BCAS4: variants seen among roughly 807,000 people sequenced by gnomAD.
BCAS4 encodes the protein breast carcinoma amplified sequence 4, also known as breast carcinoma-amplified sequence 4.
A neutral mutation model predicts 15.7 loss-of-function variants in BCAS4; 9 were observed. The ratio of observed to expected loss-of-function variants is 0.57; its 90% CI spans 0.34 to 1.00. BCAS4 has a LOEUF of 1.00. Ranked by LOEUF, BCAS4 falls within the 50% of genes least tolerant of loss-of-function variation. The pLI, the probability that BCAS4 is intolerant of heterozygous loss-of-function variation, is 0.02. For missense variants in BCAS4, 225 were observed against 239.1 expected (o/e 0.94, Z 0.39); for synonymous variants, 101 against 99.5 (o/e 1.02, Z -0.09).
intron 2 of BCAS4, among the ~76,000 whole-genome samples, chr20:50,819,775 T>C (rs1269888826): frequency 6.6e-6 from 1 of 152,088 alleles, no homozygotes; most frequent in Admixed American, 6.6e-5. Context: ...TCTTTCTTTC[T>C]CTTTCTGTCT....
At chr20:50,856,165 G>A (rs1004847910) in intron 4 of BCAS4, among the ~76,000 whole-genome samples, 3 of 152,236 alleles carry the variant, frequency 2.0e-5, no homozygotes, top group Admixed American at 6.5e-5. Flanking sequence ...GTGCAGAGGT[G>A]AGTCGTTTGT....
At chr20:50,873,767 C>A (rs1979775350) in intron 4 of BCAS4, among the ~76,000 whole-genome samples, 1 of 152,116 alleles carries the variant, frequency 6.6e-6, no homozygotes, top group Admixed American at 6.5e-5. Context: ...CCGAGTCATC[C>A]CCTGAGCAGG....
At chr20:50,831,589 G>C (rs2088344437) in intron 3 of BCAS4, among the ~76,000 whole-genome samples, 1 of 152,112 alleles carries the variant, frequency 6.6e-6, no homozygotes, top group African/African-American at 2.4e-5. Context: ...TTGCACTGCA[G>C]TCAGTCCCCT....
upstream of BCAS4, chr20:50,795,024 C>G (rs1363394232): frequency 2.1e-6 from 3 of 1,413,040 alleles, no homozygotes; most frequent in South Asian, 4.4e-5. Flanking sequence ...GGCTCCGAGG[C>G]CCGGGCGCAA....
At chr20:50,861,846 CTTTTTTTTTTTT>C (rs773052138) in intron 4 of BCAS4, among the ~76,000 whole-genome samples, 1 of 109,250 alleles carries the variant, frequency 9.2e-6, no homozygotes, top group Non-Finnish European at 1.8e-5. Flanking sequence ...TCTTCTTCTC[CTTTTTTTTTTTT>C]TTTTTTTTTT....
At chr20:50,840,621 T>G in intron 3 of BCAS4, 1 of 1,601,378 alleles carries the variant, frequency 6.2e-7, no homozygotes, top group Non-Finnish European at 8.6e-7. Context: ...CTCATTACGA[T>G]TCGCCTGCTT....
chr20:50,802,308 G>A (rs1156718780), intron 1 of BCAS4, among the ~76,000 whole-genome samples: 2 of 152,196 alleles, frequency 1.3e-5, no homozygotes, highest in Non-Finnish European at 2.9e-5. Context: ...CCATCCAGGT[G>A]GACAAGGACT....
intron 4 of BCAS4, among the ~76,000 whole-genome samples, chr20:50,862,043 C>T (rs1397512306): frequency 9.9e-5 from 15 of 151,592 alleles, no homozygotes. Flanking sequence ...TTTATTTTTA[C>T]TAGACACAGG....
At chr20:50,860,978 G>C (rs563711558) in intron 4 of BCAS4, among the ~76,000 whole-genome samples, 1 of 151,236 alleles carries the variant, frequency 6.6e-6, no homozygotes, top group South Asian at 2.1e-4. Flanking sequence ...CTGGGTGACA[G>C]AGCAAGACCC....
intron 3 of BCAS4, among the ~76,000 whole-genome samples, chr20:50,841,474 G>T (rs576636383): frequency 2.6e-4 from 40 of 152,154 alleles, no homozygotes; most frequent in Non-Finnish European, 5.3e-4. Flanking sequence ...ACTTTGAGCA[G>T]GTGACCCAGC....
At chr20:50,840,580 G>A (rs748957463) in intron 3 of BCAS4, 2 of 1,551,312 alleles carry the variant, frequency 1.3e-6, no homozygotes, top group Admixed American at 3.3e-5. Context: ...CAATGCTTGT[G>A]GAATGTACAG....
At chr20:50,866,464 G>A (rs369924485) in intron 4 of BCAS4, among the ~76,000 whole-genome samples, 1 of 152,380 alleles carries the variant, frequency 6.6e-6, no homozygotes, top group East Asian at 1.9e-4. Context: ...CTGCAGGAAT[G>A]TGGGCCTGCG....
intron 4 of BCAS4, among the ~76,000 whole-genome samples, chr20:50,849,686 A>G (rs1181263313): frequency 6.6e-6 from 1 of 152,266 alleles, no homozygotes; most frequent in Admixed American, 6.5e-5. Flanking sequence ...CCAGCCTCGC[A>G]TAAATGGCGG....
At chr20:50,862,533 G>A (rs1406704912) in intron 4 of BCAS4, among the ~76,000 whole-genome samples, 15 of 151,696 alleles carry the variant, frequency 9.9e-5, no homozygotes, top group Admixed American at 9.9e-4. Context: ...AGAAGGACGG[G>A]CCTGGGCTGA....
At chr20:50,824,790 G>C (rs971879840) in intron 2 of BCAS4, among the ~76,000 whole-genome samples, 7 of 152,184 alleles carry the variant, frequency 4.6e-5, no homozygotes, top group African/African-American at 1.7e-4. Flanking sequence ...CATGGGCTCA[G>C]TGTGGCCAGG....
chr20:50,869,336 G>A (rs1477176266), intron 4 of BCAS4, among the ~76,000 whole-genome samples: 1 of 152,166 alleles, frequency 6.6e-6, no homozygotes, highest in Non-Finnish European at 1.5e-5. Flanking sequence ...CAGAGGGGCT[G>A]GCCCAGGCTC....
At chr20:50,862,519 G>A (rs1202455402) in intron 4 of BCAS4, among the ~76,000 whole-genome samples, 1 of 152,132 alleles carries the variant, frequency 6.6e-6, no homozygotes, top group East Asian at 1.9e-4. Context: ...CAGTGCTGCC[G>A]GGGAGAAGGA....
chr20:50,876,653 T>C lies in BCAS4; in HGVS notation c.*45T>C, dbSNP rs768162773. On this transcript the variant is annotated 3_prime_UTR_variant, in exon 5 of 5. Coordinates refer to ENST00000371608, the MANE Select transcript of BCAS4 (RefSeq NM_198799.4). ...AGGAACGCTGGAAAGTGACATTGTG[T>C]ACACACTGCAGCTTGGGGGTTTTTT... 1.4e-5 allele frequency: 23 copies of C among 1,589,362 alleles called. No individual in the cohort carries two copies. The highest frequency in any genetic ancestry group is 1.1e-4 in the South Asian group (10 of 87,072).
At chr20:50,834,916 G>C (rs776385962) in intron 3 of BCAS4, among the ~76,000 whole-genome samples, 7 of 152,192 alleles carry the variant, frequency 4.6e-5, no homozygotes, top group Non-Finnish European at 1.0e-4. Flanking sequence ...GTCATCTTTT[G>C]GTATATGGCT....
Sources: allele counts gnomAD v4.1 joint callset (sites outside exome capture counted in the v4.1 genomes callset), GRCh38; gene constraint gnomAD v4.1.1; transcripts MANE v1.5; gene names NCBI Gene and HGNC (gene_info 2026-07-23, HGNC 2026-07-21).